AGER: variants seen among roughly 807,000 people sequenced by gnomAD.
AGER encodes the protein advanced glycation end product-specific receptor.
In AGER, 46 loss-of-function variants were observed where a neutral mutation model predicts 48.8. The ratio of observed to expected loss-of-function variants is 0.94; its 90% CI spans 0.74 to 1.20. The LOEUF (loss-of-function observed/expected upper bound fraction) is 1.20. Ranked by LOEUF, AGER falls within the 50% of genes most tolerant of loss-of-function variation. AGER has a pLI of 0.00. For missense variants in AGER, 489 were observed against 515.0 expected (o/e 0.95, Z 0.49); for synonymous variants, 170 against 199.9 (o/e 0.85, Z 1.26).
chr6:32,182,591 G>A lies in AGER; in HGVS notation c.799C>T (p.Pro267Ser), dbSNP rs1176777162. Reference sequence around the variant, plus strand: ...ACATCCTTCATCCAGTGGATTTGAGGAGAGGGCTGGGCAGGGACTTCACAG... The same window carrying A: ...ACATCCTTCATCCAGTGGATTTGAGAAGAGGGCTGGGCAGGGACTTCACAG... ...LTCEVPAQPS[P>S]QIHWMKDGVP... The change falls in exon 7 of 11, where the codon CCT becomes TCT. Residue 267 changes from proline (P) to serine (S), a missense_variant. Pro to Ser is a moderately conservative substitution (Grantham distance 74). Transcript: ENST00000375076. The surrounding 1 kb of genome is among the most constrained non-coding windows in gnomAD (Gnocchi z 5.1). The A allele has an allele frequency of 6.8e-6, 11 of 1,613,074 alleles. No homozygotes were observed. The highest frequency in any genetic ancestry group is 8.5e-6 in the Non-Finnish European group (10 of 1,180,028).
Position 32,183,612 on chromosome 6 carries a change from G to A in AGER, c.298C>T (p.Gln100Ter). The A allele has an allele frequency of 6.2e-7, 1 of 1,613,068 alleles. No individual in the cohort carries two copies. Among genetic ancestry groups the A allele is most frequent in the Non-Finnish European group, 8.5e-7 (1 of 1,180,036 alleles). The change falls in exon 3 of 11, where the codon CAG (glutamine) becomes TAG (stop). Residue 100 changes from glutamine to a stop codon, truncating the protein, a stop_gained. Transcript: ENST00000375076. LOFTEE classifies it high-confidence loss of function. ...GIQDEGIFRC[Q>*]AMNRNGKETK... ...TCCTTTCCATTCCTGTTCATTGCCT[G>A]GCACCGGAAAATCCCCTCATCCTGG...
chr6:32,183,324 C>T lies in AGER; in HGVS notation c.420G>A (p.Lys140=), dbSNP rs1158770428. 15 of 1,613,150 alleles carry T rather than the reference C, an allele frequency of 9.3e-6. No homozygotes were observed. Among genetic ancestry groups the T allele is most frequent in the Middle Eastern group, 1.6e-4 (1 of 6,062 alleles). Residue 140 remains lysine (K), a splice_region_variant and synonymous_variant, in exon 4 of 11, where the codon AAG becomes AAA. Transcript: ENST00000375076. The part of the protein sequence containing the change: ...ASELTAGVPN[K]VGTCVSEGSY... ...TACTTCTCCTGCTTTCTTCCACTAC[C>T]TTATTGGGAACACCAGCCGTGAGTT...
In AGER at chr6:32,180,973, A is replaced by G. The variant is rs1251588995; in HGVS notation, c.*170T>C. The G allele has an allele frequency of 7.1e-6, 5 of 703,112 alleles. No homozygotes were observed. Among genetic ancestry groups the G allele is most frequent in the Non-Finnish European group, 1.2e-5 (5 of 406,114 alleles). The allele number at this position is 703,112 out of a possible 1,614,324, so 43.6% of individuals were successfully genotyped here. On this transcript the variant is annotated 3_prime_UTR_variant, in exon 11 of 11. Transcript: ENST00000375076. ...ACACACACAGACACACAAGAGCAAG[A>G]TGTGTCAGGTGTTTAATCATCATTG...
intron 3 of AGER, 53 bp downstream of exon 3, chr6:32,183,502 A>G (rs1786635556): frequency 1.9e-6 from 3 of 1,612,224 alleles, no homozygotes; most frequent in South Asian, 1.1e-5. Flanking sequence ...CTGGGGTTGA[A>G]GGCTTTTTCT....
Position 32,181,177 on chromosome 6 carries a change from G to A in AGER, c.1181C>T (p.Pro394Leu). The change falls in exon 11 of 11, where the codon CCT (proline) becomes CTT (leucine). Residue 394 changes from proline to leucine, a missense_variant. Pro to Leu is a moderately conservative substitution (Grantham distance 98, BLOSUM62 -3). Coordinates refer to ENST00000375076, the MANE Select transcript of AGER (RefSeq NM_001136.5). This position sits in a 1 kb window ranked among gnomAD's most constrained non-coding sequence, Gnocchi z 4.1. ...ERAELNQSEE[P>L]EAGESSTGGP is the part of the protein sequence containing the mutation. ...TCCAGTACTACTCTCGCCTGCCTCAGGTTCCTCCGACTGATTCAGTTCTGC... is the reference window on the plus strand; with the variant it reads ...TCCAGTACTACTCTCGCCTGCCTCAAGTTCCTCCGACTGATTCAGTTCTGC... The A allele has an allele frequency of 6.2e-7, 1 of 1,614,222 alleles. No individual in the cohort carries two copies. Among genetic ancestry groups the A allele is most frequent in the Non-Finnish European group, 8.5e-7 (1 of 1,180,040 alleles).
Position 32,181,307 on chromosome 6 carries a change from G to A in AGER, c.1118+44C>T. On this transcript the variant is annotated intron_variant, in intron 10 of 10. Coordinates refer to ENST00000375076, the MANE Select transcript of AGER (RefSeq NM_001136.5). The surrounding 1 kb of genome is among the most constrained non-coding windows in gnomAD (Gnocchi z 4.1). ...ACCCCCCGACCCCTCTTCGCTTGCT[G>A]CCTGGAAGCCCTAGGTCTGAGGGGT... The A allele has an allele frequency of 6.2e-7, 1 of 1,613,662 alleles. No homozygotes were observed. The highest frequency in any genetic ancestry group is 8.5e-7 in the Non-Finnish European group (1 of 1,179,984).
At chr6:32,184,118 G>C in intron 1 of AGER, 53 bp downstream of exon 1, 16 of 1,604,644 alleles carry the variant, frequency 1.0e-5, no homozygotes, top group Non-Finnish European at 1.4e-5. Flanking sequence ...CTGGGGTGTG[G>C]GGTTAAAGTG....
chr6:32,181,456 A>T lies in AGER; in HGVS notation c.1013T>A (p.Leu338Gln). Residue 338 changes from leucine to glutamine, a missense_variant, in exon 10 of 11, where the codon CTG becomes CAG. Leu to Gln is a moderately radical substitution (Grantham distance 113, BLOSUM62 -2). Transcript: ENST00000375076. The surrounding 1 kb of genome is among the most constrained non-coding windows in gnomAD (Gnocchi z 4.1). ...CCCCAGGGCCAGGGCTAGAGTTCCC[A>T]GCCCTGATCCTCCCACAGAGCCTGT... Reference protein sequence around the residue: ...PTAGSVGGSGLGTLALALGIL... With the variant: ...PTAGSVGGSGQGTLALALGIL... 6.2e-7 allele frequency: 1 copy of T among 1,613,316 alleles called. No homozygotes were observed. The highest frequency in any genetic ancestry group is 8.5e-7 in the Non-Finnish European group (1 of 1,180,006).
At chr6:32,184,100 T>TAGGACGACTGGGGTGTGGGGTTAAA (rs1786780170) in intron 1 of AGER, 71 bp downstream of exon 1, 1 of 1,605,998 alleles carries the variant, frequency 6.2e-7, no homozygotes, top group African/African-American at 1.3e-5. Flanking sequence ...GGAAAAGTTC[T>TAGGACGACTGGGGTGTGGGGTTAAA]AGGACGACTG....
In AGER at chr6:32,183,543, T is replaced by C. The variant is rs1388808743; in HGVS notation, c.355+12A>G. On this transcript the variant is annotated intron_variant, in intron 3 of 10. Transcript: ENST00000375076. ...AAGAGGGAGGCCTTGGAGAAGACCC[T>C]GGAATTCTTACGGTAGACACGGACT... 1.2e-5 allele frequency: 20 copies of C among 1,612,938 alleles called. No homozygotes were observed. Among genetic ancestry groups the C allele is most frequent in the Non-Finnish European group, 1.6e-5 (19 of 1,180,022 alleles).
Position 32,181,719 on chromosome 6 carries a change from C to T in AGER, c.965-87G>A. The T allele has an allele frequency of 7.3e-7, 1 of 1,372,794 alleles. No homozygotes were observed. The highest frequency in any genetic ancestry group is 2.3e-5 in the East Asian group (1 of 43,468). The allele number at this position is 1,372,794 out of a possible 1,614,324, so 85.0% of individuals were successfully genotyped here. On this transcript the variant is annotated intron_variant, in intron 8 of 10. Transcript: ENST00000375076. This position sits in a 1 kb window ranked among gnomAD's most constrained non-coding sequence, Gnocchi z 4.1. ...GTGGGAGCCCCAGTGGAGTCTTTCC[C>T]TTTCTTTTTTTTTTTGAGATGGAGT...
At chr6:32,184,090 G>A in intron 1 of AGER, 81 bp downstream of exon 1, 1 of 1,606,474 alleles carries the variant, frequency 6.2e-7, no homozygotes, top group South Asian at 1.1e-5. Flanking sequence ...TCGGGTTCTG[G>A]GAAAAGTTCT....
chr6:32,182,057 G>A lies in AGER; in HGVS notation c.964+190C>T, dbSNP rs761610172. The A allele has an allele frequency of 2.3e-6, 2 of 855,048 alleles. No individual in the cohort carries two copies. Among genetic ancestry groups the A allele is most frequent in the South Asian group, 2.8e-5 (2 of 70,216 alleles). The allele number at this position is 855,048 out of a possible 1,614,324, so 53.0% of individuals were successfully genotyped here. On this transcript the variant is annotated intron_variant, in intron 8 of 10. Transcript: ENST00000375076. The surrounding 1 kb of genome is among the most constrained non-coding windows in gnomAD (Gnocchi z 5.1). Reference sequence around the variant, plus strand: ...CGTCTGTTCCTTTTTTTAGCTCAGAGGGAAGAAGGGAGAGGCTTGGCTGCT... The same window carrying A: ...CGTCTGTTCCTTTTTTTAGCTCAGAAGGAAGAAGGGAGAGGCTTGGCTGCT...
In AGER at chr6:32,183,898, G is replaced by T. The variant is rs375902201; in HGVS notation, c.142C>A (p.Arg48=). Reference sequence around the variant, plus strand: ...CCGCTTACCAGTTTCCATTCCAGCCGCTGGGGTGGTTTCTTGGGGGCCCCC... The same window carrying T: ...CCGCTTACCAGTTTCCATTCCAGCCTCTGGGGTGGTTTCTTGGGGGCCCCC... ...CKGAPKKPPQ[R]LEWKLNTGRT... The change falls in exon 2 of 11, where the codon CGG becomes AGG. Residue 48 remains arginine (R), a synonymous_variant. Coordinates refer to ENST00000375076, the MANE Select transcript of AGER (RefSeq NM_001136.5). 9.3e-6 allele frequency: 15 copies of T among 1,613,050 alleles called. No individual in the cohort carries two copies. Among genetic ancestry groups the T allele is most frequent in the Non-Finnish European group, 1.3e-5 (15 of 1,180,010 alleles).
Position 32,181,599 on chromosome 6 carries a change from C to T in AGER, c.991+7G>A. 3.1e-6 allele frequency: 5 copies of T among 1,613,156 alleles called. No homozygotes were observed. The highest frequency in any genetic ancestry group is 3.4e-6 in the Non-Finnish European group (4 of 1,180,050). ...TTCTGCTTCCCTGACTTTATCAAAC[C>T]CCTCACCTGCAGTTGGCCCCTCCTC... On this transcript the variant is annotated splice_region_variant and intron_variant, in intron 9 of 10. Transcript: ENST00000375076. This position sits in a 1 kb window ranked among gnomAD's most constrained non-coding sequence, Gnocchi z 4.1.
At position 32,183,033 on chromosome 6, in the gene AGER, G is replaced by A. The variant is rs1209569509; in HGVS notation, c.509-10C>T. The A allele has an allele frequency of 6.2e-7, 1 of 1,613,076 alleles. No individual in the cohort carries two copies. The highest frequency in any genetic ancestry group is 8.5e-7 in the Non-Finnish European group (1 of 1,180,020). On this transcript the variant is annotated splice_polypyrimidine_tract_variant and intron_variant, in intron 5 of 10. Coordinates refer to ENST00000375076, the MANE Select transcript of AGER (RefSeq NM_001136.5). ...TCCTTCACAGATACTCCTATGATGG[G>A]AGGATAAGACAAATTATCCCAGGGT...
In AGER at chr6:32,183,335, C is replaced by T; in HGVS notation, c.409G>A (p.Val137Ile). 2.5e-6 allele frequency: 4 copies of T among 1,613,174 alleles called. No individual in the cohort carries two copies. Among genetic ancestry groups the T allele is most frequent in the Non-Finnish European group, 3.4e-6 (4 of 1,180,046 alleles). Residue 137 changes from valine (V) to isoleucine (I), a missense_variant, in exon 4 of 11, where the codon GTT (valine) becomes ATT (isoleucine). Physicochemically the swap from Val to Ile is conservative, Grantham distance 29 (BLOSUM62 3). Coordinates refer to ENST00000375076, the MANE Select transcript of AGER (RefSeq NM_001136.5). ...VDSASELTAG[V>I]PNKVGTCVSE... ...CTTTCTTCCACTACCTTATTGGGAA[C>T]ACCAGCCGTGAGTTCAGAGGCAGAA...
In AGER at chr6:32,182,535, C is replaced by T. The variant is rs13212247; in HGVS notation, c.822+33G>A. 6.2e-6 allele frequency: 10 copies of T among 1,608,420 alleles called. No homozygotes were observed. In the Admixed American group the frequency reaches 1.7e-4, roughly 27 times the overall value. On this transcript the variant is annotated intron_variant, in intron 7 of 10. Coordinates refer to ENST00000375076, the MANE Select transcript of AGER (RefSeq NM_001136.5). This position sits in a 1 kb window ranked among gnomAD's most constrained non-coding sequence, Gnocchi z 5.1. Reference sequence around the variant, plus strand: ...TCCCTGTTGCTAGTTATGGTTCACCCTACCTCCCAGCCCCTCTCTCCAGGT... The same window carrying T: ...TCCCTGTTGCTAGTTATGGTTCACCTTACCTCCCAGCCCCTCTCTCCAGGT...
chr6:32,183,238 AT>A (rs903700973), intron 4 of AGER, 37 bp from the exon 5 acceptor site: 1 of 1,612,122 alleles, frequency 6.2e-7, no homozygotes, highest in Non-Finnish European at 8.5e-7. Flanking sequence ...TCCTTTGAAA[AT>A]GAGAGATGCC....
Sources: allele counts gnomAD v4.1 joint callset, GRCh38; gene constraint gnomAD v4.1.1; non-coding constraint Gnocchi (gnomAD v3.1); transcripts MANE v1.5; gene names NCBI Gene and HGNC (gene_info 2026-07-23, HGNC 2026-07-21).